SRSF11: variants seen among roughly 807,000 people sequenced by gnomAD.
SRSF11 encodes serine/arginine-rich splicing factor 11.
A neutral mutation model predicts 56.0 loss-of-function variants in SRSF11; 9 were observed. The observed-to-expected ratio is 0.16, with a 90% CI of 0.10 to 0.28. The LOEUF is 0.28. SRSF11 is among the 10% of genes least tolerant of loss of function. SRSF11 has a pLI of 1.00. For synonymous variants in SRSF11, 222 were observed against 215.3 expected (o/e 1.03, Z -0.27); for missense variants, 421 against 600.7 (o/e 0.70, Z 3.13).
chr1:70,237,312 C>T, intron 5 of SRSF11, 113 bp from the exon 6 acceptor site: 1 of 1,345,032 alleles, frequency 7.4e-7, no homozygotes, highest in Admixed American at 2.4e-5. Flanking sequence ...TCCTCCCCTC[C>T]CTTTTTTTGA....
chr1:70,247,172 TAA>T (rs1676946126), intron 9 of SRSF11: 1 of 930,908 alleles, frequency 1.1e-6, no homozygotes, highest in Non-Finnish European at 1.3e-6. Flanking sequence ...CTTTATAGTT[TAA>T]GTTTTAATGG....
Position 70,228,510 on chromosome 1 carries a change from A to G in SRSF11, c.292A>G (p.Thr98Ala). Residue 98 changes from threonine to alanine, a missense_variant, in exon 2 of 12, where the codon ACT becomes GCT. Transcript: ENST00000370949. Reference protein sequence around the residue: ...SAVVAQHLTNTVFVDRALIVV... With the variant: ...SAVVAQHLTNAVFVDRALIVV... ...AGTTGTGGCACAGCATCTGACAAACACTGTATTCGTTGACAGAGCTTTGAT... is the reference window on the plus strand; with the variant it reads ...AGTTGTGGCACAGCATCTGACAAACGCTGTATTCGTTGACAGAGCTTTGAT... The G allele has an allele frequency of 6.2e-7, 1 of 1,613,800 alleles. No individual in the cohort carries two copies. The highest frequency in any genetic ancestry group is 8.5e-7 in the Non-Finnish European group (1 of 1,179,814).
upstream of SRSF11, among the ~76,000 whole-genome samples, chr1:70,219,004 T>C (rs552634257): frequency 1.3e-5 from 2 of 152,270 alleles, no homozygotes; most frequent in Non-Finnish European, 2.9e-5. Flanking sequence ...AAGTTGAGTA[T>C]CCCTAATCCA....
At chr1:70,249,575 G>T in intron 9 of SRSF11, 1 of 167,310 alleles carries the variant, frequency 6.0e-6, no homozygotes, top group Non-Finnish European at 1.3e-5. Context: ...CTGTTTTTTT[G>T]AGACAGGGTC....
chr1:70,223,587 A>G (rs1380478090), intron 1 of SRSF11, among the ~76,000 whole-genome samples: 1 of 152,170 alleles, frequency 6.6e-6, no homozygotes, highest in Non-Finnish European at 1.5e-5. Flanking sequence ...ATAAATTGAC[A>G]CATTTTTACT....
chr1:70,218,042 T>C (rs1374636542), upstream of SRSF11, among the ~76,000 whole-genome samples: 2 of 152,070 alleles, frequency 1.3e-5, no homozygotes, highest in Non-Finnish European at 1.5e-5. Flanking sequence ...CAGGCTGGAG[T>C]GCAGGGACGC....
chr1:70,213,986 T>A (rs1013019352), intron 1 of SRSF11, among the ~76,000 whole-genome samples: 1 of 152,184 alleles, frequency 6.6e-6, no homozygotes, highest in Non-Finnish European at 1.5e-5. Flanking sequence ...ACACTTTCAC[T>A]TTTTTTCCAG....
At position 70,221,891 on chromosome 1, in the gene SRSF11, C is replaced by G. The variant is rs779320026; in HGVS notation, c.203+52C>G. The G allele has an allele frequency of 6.2e-6, 10 of 1,604,402 alleles. No homozygotes were observed. In the South Asian group the frequency reaches 8.9e-5, roughly 14 times the overall value. The stretch of plus-strand genomic sequence containing the variant: ...CTGCTAACGCCGCCTCAGCCTGGGC[C>G]TAACACACACAATTTCCTTAGGCCC... On this transcript the variant is annotated intron_variant, in intron 1 of 11. Coordinates refer to ENST00000370949, the MANE Select transcript of SRSF11 (RefSeq NM_001350605.2).
intron 2 of SRSF11, chr1:70,231,260 A>G: frequency 8.4e-7 from 1 of 1,189,628 alleles, no homozygotes; most frequent in Non-Finnish European, 1.1e-6. Flanking sequence ...TACTACTGGT[A>G]TTTGCAAATA....
At chr1:70,229,325 T>A in intron 2 of SRSF11, 1 of 1,270,492 alleles carries the variant, frequency 7.9e-7, no homozygotes, top group Non-Finnish European at 1.0e-6. Flanking sequence ...GCCCCAAGTG[T>A]TTTCCTGGTG....
At chr1:70,241,780 A>T (rs1571880570) in intron 7 of SRSF11, among the ~76,000 whole-genome samples, 1 of 152,328 alleles carries the variant, frequency 6.6e-6, no homozygotes. Context: ...ATCTTCCATG[A>T]CAGTGCTCTC....
chr1:70,229,267 G>A, intron 2 of SRSF11: 1 of 1,289,254 alleles, frequency 7.8e-7, no homozygotes, highest in Non-Finnish European at 1.0e-6. Context: ...GTCCTCTGCA[G>A]CTACAGGGGA....
chr1:70,228,624 GAGCATTAGT>G lies in SRSF11; in HGVS notation c.337+75_337+83del, dbSNP rs1190692366. ...CCATCTACCTCAGTAGATGTAGAGT[GAGCATTAGT>G]AGCATGTTAAATCTAAGCTATTAAC... On this transcript the variant is annotated intron_variant, in intron 2 of 11. Coordinates refer to ENST00000370949, the MANE Select transcript of SRSF11 (RefSeq NM_001350605.2). 1.3e-5 allele frequency: 19 copies of G among 1,516,786 alleles called. No individual in the cohort carries two copies. In the East Asian group the frequency reaches 3.3e-4, roughly 27 times the overall value. The allele number at this position is 1,516,786 out of a possible 1,614,324, so 94.0% of individuals were successfully genotyped here.
At chr1:70,245,556 G>A (rs778095523) in intron 8 of SRSF11, among the ~76,000 whole-genome samples, 1 of 152,216 alleles carries the variant, frequency 6.6e-6, no homozygotes, top group Non-Finnish European at 1.5e-5. Flanking sequence ...TAGGAGAAGA[G>A]TGATGGATTT....
chr1:70,214,489 CA>C (rs1432795037), intron 1 of SRSF11, among the ~76,000 whole-genome samples: 2 of 152,004 alleles, frequency 1.3e-5, no homozygotes, highest in Non-Finnish European at 2.9e-5. Flanking sequence ...AATCATAAAA[CA>C]AAGTTGAAAA....
intron 1 of SRSF11, among the ~76,000 whole-genome samples, chr1:70,227,534 G>A (rs1300756357): frequency 6.6e-6 from 1 of 152,158 alleles, no homozygotes; most frequent in African/African-American, 2.4e-5. Flanking sequence ...ACTAGGGATG[G>A]TGTGTTTATT....
At chr1:70,221,871 A>C (rs1201112928) in intron 1 of SRSF11, 32 bp downstream of exon 1, 1 of 1,612,120 alleles carries the variant, frequency 6.2e-7, no homozygotes, top group Non-Finnish European at 8.5e-7. Context: ...TGTTCCTGCT[A>C]ACGCCGCCTC....
At chr1:70,210,115 C>G (rs1230729068) in intron 1 of SRSF11, among the ~76,000 whole-genome samples, 4 of 151,816 alleles carry the variant, frequency 2.6e-5, no homozygotes, top group African/African-American at 7.3e-5. Context: ...AAACAGCTTG[C>G]TCTAGGAGGT....
At chr1:70,241,726 G>A (rs1675448348) in intron 7 of SRSF11, among the ~76,000 whole-genome samples, 1 of 152,128 alleles carries the variant, frequency 6.6e-6, no homozygotes, top group Non-Finnish European at 1.5e-5. Context: ...TCCGCTTTGA[G>A]GAACTCCTTT....
Sources: allele counts gnomAD v4.1 joint callset (sites outside exome capture counted in the v4.1 genomes callset), GRCh38; gene constraint gnomAD v4.1.1; transcripts MANE v1.5; gene names NCBI Gene and HGNC (gene_info 2026-07-23, HGNC 2026-07-21).